The following OR4D1 variants were observed in gnomAD, a reference collection of about 807,000 sequenced individuals.
OR4D1 encodes the protein olfactory receptor family 4 subfamily D member 1, also known as olfactory receptor 4D1.
In OR4D1, 10 loss-of-function variants were observed where a neutral mutation model predicts 14.2. The observed-to-expected ratio is 0.71, with a 90% CI of 0.44 to 1.20. The LOEUF is 1.20. OR4D1 is among the 50% of genes most tolerant of loss of function. The pLI is 0.00. For synonymous variants in OR4D1, 141 were observed against 147.4 expected (o/e 0.96, Z 0.32); for missense variants, 345 against 376.6 (o/e 0.92, Z 0.70).
chr17:58,151,451 T>C (rs1453351777), intron 2 of OR4D1, among the ~76,000 whole-genome samples: 3 of 152,144 alleles, frequency 2.0e-5, no homozygotes, highest in Non-Finnish European at 4.4e-5. Flanking sequence ...AGTGTGTGTT[T>C]TTTCCCCTCA....
rs1967796903 is a variant in OR4D1 at position 58,157,764 on chromosome 17, A to G, written c.*1678A>G. 8 of 1,611,994 alleles carry G rather than the reference A, an allele frequency of 5.0e-6. No individual in the cohort carries two copies. Among genetic ancestry groups the G allele is most frequent in the African/African-American group, 1.3e-5 (1 of 75,030 alleles). On this transcript the variant is annotated 3_prime_UTR_variant, in exon 4 of 4. Coordinates refer to ENST00000268912, the MANE Select transcript of OR4D1 (RefSeq NM_001386095.1). ...CTTCCCATCCCGCCCGTGGGACTCT[A>G]TGCCACGCCAGTGGGATATGGCATG... is the stretch of plus-strand genomic sequence containing the variant.
Position 58,157,648 on chromosome 17 carries a change from AC to A in OR4D1, c.*1565del. On this transcript the variant is annotated 3_prime_UTR_variant, in exon 4 of 4. Coordinates refer to ENST00000268912, the MANE Select transcript of OR4D1 (RefSeq NM_001386095.1). ...TGAAAATGGCTGCAAAACCTATGCT[AC>A]CCTCCAGCTTCAGTCTCCCTTTCCC... The A allele has an allele frequency of 6.2e-7, 1 of 1,613,692 alleles. No homozygotes were observed.
intron 2 of OR4D1, among the ~76,000 whole-genome samples, chr17:58,150,145 T>TTAC (rs1567778550): frequency 3.3e-5 from 5 of 152,210 alleles, no homozygotes; most frequent in South Asian, 2.1e-4. Flanking sequence ...CAATAAATGC[T>TTAC]TACTACTACT....
At position 58,157,378 on chromosome 17, in the gene OR4D1, A is replaced by G; in HGVS notation, c.*1292A>G. 7.6e-7 allele frequency: 1 copy of G among 1,312,806 alleles called. No individual in the cohort carries two copies. Among genetic ancestry groups the G allele is most frequent in the Non-Finnish European group, 1.1e-6 (1 of 934,756 alleles). The allele number at this position is 1,312,806 out of a possible 1,614,324, so 81.3% of individuals were successfully genotyped here. A position where few individuals can be genotyped will look rare whatever the true frequency, so the allele number is the denominator to read the frequency against. Reference sequence around the variant, plus strand: ...ACCCTGCTGATAATTCGCCGCCGCCAAGACACGTGAGCCCTACCACCTGCA... The same window carrying G: ...ACCCTGCTGATAATTCGCCGCCGCCGAGACACGTGAGCCCTACCACCTGCA... On this transcript the variant is annotated 3_prime_UTR_variant, in exon 4 of 4. Transcript: ENST00000268912.
In OR4D1 at chr17:58,155,703, G is replaced by A; in HGVS notation, c.550G>A (p.Val184Ile). The A allele has an allele frequency of 6.8e-6, 11 of 1,614,110 alleles. No homozygotes were observed. The highest frequency in any genetic ancestry group is 9.3e-6 in the Non-Finnish European group (11 of 1,180,012). Residue 184 changes from valine to isoleucine, a missense_variant, in exon 4 of 4, where the codon GTA becomes ATA. Val to Ile is a conservative substitution (Grantham distance 29, BLOSUM62 3). Transcript: ENST00000268912. Reference sequence around the variant, plus strand: ...TAACTTCTACTGTGATGTTCCCCAAGTACTGAGACTTGCCTGCACTGATAC... The same window carrying A: ...TAACTTCTACTGTGATGTTCCCCAAATACTGAGACTTGCCTGCACTGATAC... ...LDNFYCDVPQ[V>I]LRLACTDTSL...
chr17:58,157,531 C>A lies in OR4D1; in HGVS notation c.*1445C>A. On this transcript the variant is annotated 3_prime_UTR_variant, in exon 4 of 4. Coordinates refer to ENST00000268912, the MANE Select transcript of OR4D1 (RefSeq NM_001386095.1). The stretch of plus-strand genomic sequence containing the variant: ...TTGCAGAGGGTGCGGACTTCTCCAG[C>A]TCTCCGAACCTCACGGAGACTCAGG... 7.2e-7 allele frequency: 1 copy of A among 1,393,574 alleles called. No individual in the cohort carries two copies. The highest frequency in any genetic ancestry group is 1.0e-6 in the Non-Finnish European group (1 of 980,044). 86.3% of individuals were successfully genotyped at this position (1,393,574 alleles called of 1,614,324 possible). A position where few individuals can be genotyped will look rare whatever the true frequency, so the allele number is the denominator to read the frequency against.
In OR4D1 at chr17:58,157,437, G is replaced by C; in HGVS notation, c.*1351G>C. The C allele has an allele frequency of 8.9e-7, 1 of 1,119,794 alleles. No homozygotes were observed. The highest frequency in any genetic ancestry group is 1.8e-5 in the Admixed American group (1 of 55,030). 69.4% of individuals were successfully genotyped at this position (1,119,794 alleles called of 1,614,324 possible). On this transcript the variant is annotated 3_prime_UTR_variant, in exon 4 of 4. Coordinates refer to ENST00000268912, the MANE Select transcript of OR4D1 (RefSeq NM_001386095.1). Reference sequence around the variant, plus strand: ...AAACACAAGACCAATCCGAAGCCGCGCACAGCCTTTACCACGTCCCAGCTC... The same window carrying C: ...AAACACAAGACCAATCCGAAGCCGCCCACAGCCTTTACCACGTCCCAGCTC...
Position 58,156,169 on chromosome 17 carries a change from A to G in OR4D1, c.*83A>G. 2.2e-6 allele frequency: 2 copies of G among 920,430 alleles called. No individual in the cohort carries two copies. The highest frequency in any genetic ancestry group is 1.7e-5 in the South Asian group (1 of 58,210). 57.0% of individuals were successfully genotyped at this position (920,430 alleles called of 1,614,324 possible). On this transcript the variant is annotated 3_prime_UTR_variant, in exon 4 of 4. Transcript: ENST00000268912. ...GAAAAATGGAGGAAAGTCTTTATAA[A>G]GCATAACAAATCAGATTACACTTAT...
chr17:58,150,716 G>C (rs1400876414), intron 2 of OR4D1, among the ~76,000 whole-genome samples: 1 of 152,150 alleles, frequency 6.6e-6, no homozygotes, highest in Non-Finnish European at 1.5e-5. Flanking sequence ...TTCTGCAACA[G>C]TCCTGGGAAT....
chr17:58,156,343 C>T lies in OR4D1; in HGVS notation c.*257C>T, dbSNP rs371309435. On this transcript the variant is annotated 3_prime_UTR_variant, in exon 4 of 4. Coordinates refer to ENST00000268912, the MANE Select transcript of OR4D1 (RefSeq NM_001386095.1). ...TAGGCTCACTGCAACCTCCACCTCC[C>T]GGGTTCAATGATTCTCCTGCCTCAG... 1.2e-3 allele frequency: 394 copies of T among 337,636 alleles called. 5 individuals carry two copies. Among genetic ancestry groups the T allele is most frequent in the African/African-American group, 7.3e-3 (338 of 46,612 alleles). 20.9% of individuals were successfully genotyped at this position (337,636 alleles called of 1,614,324 possible).
At position 58,157,783 on chromosome 17, in the gene OR4D1, T is replaced by C. The variant is rs1388358566; in HGVS notation, c.*1697T>C. 1 of 1,609,630 alleles carries C rather than the reference T, an allele frequency of 6.2e-7. No homozygotes were observed. The highest frequency in any genetic ancestry group is 8.5e-7 in the Non-Finnish European group (1 of 1,179,472). On this transcript the variant is annotated 3_prime_UTR_variant, in exon 4 of 4. Coordinates refer to ENST00000268912, the MANE Select transcript of OR4D1 (RefSeq NM_001386095.1). ...GACTCTATGCCACGCCAGTGGGATA[T>C]GGCATGTACCACCTGTCCTAAGGAA...
At chr17:58,153,829 C>T (rs1967732550) in intron 2 of OR4D1, among the ~76,000 whole-genome samples, 28 bp from the exon 3 acceptor site, 1 of 152,164 alleles carries the variant, frequency 6.6e-6, no homozygotes, top group South Asian at 2.1e-4. Flanking sequence ...TGTCTCCCTT[C>T]ATGCTCTAAT....
chr17:58,155,736 C>G lies in OR4D1; in HGVS notation c.583C>G (p.Leu195Val). The change falls in exon 4 of 4, where the codon CTG (leucine) becomes GTG (valine). Residue 195 changes from leucine (L) to valine (V), a missense_variant. Transcript: ENST00000268912. ...LRLACTDTSL[L>V]EFLMISNSGL... Reference sequence around the variant, plus strand: ...ACTTGCCTGCACTGATACCTCCCTCCTGGAGTTCCTCATGATCTCCAACAG... The same window carrying G: ...ACTTGCCTGCACTGATACCTCCCTCGTGGAGTTCCTCATGATCTCCAACAG... 1.2e-6 allele frequency: 2 copies of G among 1,614,100 alleles called. No homozygotes were observed. The highest frequency in any genetic ancestry group is 1.7e-6 in the Non-Finnish European group (2 of 1,179,940).
At position 58,157,828 on chromosome 17, in the gene OR4D1, A is replaced by G. The variant is rs1967797661; in HGVS notation, c.*1742A>G. The G allele has an allele frequency of 1.3e-6, 2 of 1,589,054 alleles. No homozygotes were observed. Among genetic ancestry groups the G allele is most frequent in the South Asian group, 1.1e-5 (1 of 90,726 alleles). The stretch of plus-strand genomic sequence containing the variant: ...AAGGAAGACCAGATCAATAGACTCC[A>G]TGATGGATGTTTGTTTCAAAGGGTT... On this transcript the variant is annotated 3_prime_UTR_variant, in exon 4 of 4. Coordinates refer to ENST00000268912, the MANE Select transcript of OR4D1 (RefSeq NM_001386095.1).
chr17:58,149,228 C>T (rs1410628825), intron 1 of OR4D1, among the ~76,000 whole-genome samples: 1 of 152,124 alleles, frequency 6.6e-6, no homozygotes, highest in Non-Finnish European at 1.5e-5. Context: ...GTCTAGAATC[C>T]CTCTAAATCT....
In OR4D1 at chr17:58,159,039, T is replaced by C. The variant is rs1319222251; in HGVS notation, c.*2953T>C. ...CCCTTTGAAAGGGTGCCTTGTACAATTGTATATATTTTATTGAAGAGTTAT... is the reference window on the plus strand; with the variant it reads ...CCCTTTGAAAGGGTGCCTTGTACAACTGTATATATTTTATTGAAGAGTTAT... On this transcript the variant is annotated 3_prime_UTR_variant, in exon 4 of 4. Transcript: ENST00000268912. 1 of 152,176 alleles carries C rather than the reference T, an allele frequency of 6.6e-6. No individual in the cohort carries two copies. Among genetic ancestry groups the C allele is most frequent in the Non-Finnish European group, 1.5e-5 (1 of 68,030 alleles). 9.4% of individuals were successfully genotyped at this position (152,176 alleles called of 1,614,324 possible). A position where few individuals can be genotyped will look rare whatever the true frequency, so the allele number is the denominator to read the frequency against.
At position 58,156,211 on chromosome 17, in the gene OR4D1, G is replaced by A; in HGVS notation, c.*125G>A. 1 of 686,192 alleles carries A rather than the reference G, an allele frequency of 1.5e-6. No individual in the cohort carries two copies. Among genetic ancestry groups the A allele is most frequent in the South Asian group, 1.9e-5 (1 of 51,626 alleles). 42.5% of individuals were successfully genotyped at this position (686,192 alleles called of 1,614,324 possible). A position where few individuals can be genotyped will look rare whatever the true frequency, so the allele number is the denominator to read the frequency against. ...TACACTTATATTTCTTGAGGACCTAGTGCTGTGTCAAGTACTGTGTTAAGC... is the reference window on the plus strand; with the variant it reads ...TACACTTATATTTCTTGAGGACCTAATGCTGTGTCAAGTACTGTGTTAAGC... On this transcript the variant is annotated 3_prime_UTR_variant, in exon 4 of 4. Coordinates refer to ENST00000268912, the MANE Select transcript of OR4D1 (RefSeq NM_001386095.1).
In OR4D1 at chr17:58,157,657, C is replaced by G; in HGVS notation, c.*1571C>G. On this transcript the variant is annotated 3_prime_UTR_variant, in exon 4 of 4. Transcript: ENST00000268912. ...CTGCAAAACCTATGCTACCCTCCAG[C>G]TTCAGTCTCCCTTTCCCCATCAGCT... The G allele has an allele frequency of 6.2e-7, 1 of 1,613,878 alleles. No individual in the cohort carries two copies. The highest frequency in any genetic ancestry group is 8.5e-7 in the Non-Finnish European group (1 of 1,179,848).
rs962719108 is a variant in OR4D1, at chr17:58,157,688, C to G, written c.*1602C>G. 3.1e-6 allele frequency: 5 copies of G among 1,613,832 alleles called. No homozygotes were observed. Among genetic ancestry groups the G allele is most frequent in the African/African-American group, 2.7e-5 (2 of 74,938 alleles). On this transcript the variant is annotated 3_prime_UTR_variant, in exon 4 of 4. Transcript: ENST00000268912. Reference sequence around the variant, plus strand: ...TCTCCCTTTCCCCATCAGCTCGCCCCTGCAGGCAGCGTCCATATACGCAGC... The same window carrying G: ...TCTCCCTTTCCCCATCAGCTCGCCCGTGCAGGCAGCGTCCATATACGCAGC...
Sources: allele counts gnomAD v4.1 joint callset (sites outside exome capture counted in the v4.1 genomes callset), GRCh38; gene constraint gnomAD v4.1.1; transcripts MANE v1.5; gene names NCBI Gene and HGNC (gene_info 2026-07-23, HGNC 2026-07-21).